Variants in RXRA observed in about 807,000 individuals in gnomAD.
The protein encoded by RXRA is retinoic acid receptor RXR-alpha.
In RXRA, 5 loss-of-function variants were observed where a neutral mutation model predicts 44.5. The ratio of observed to expected loss-of-function variants is 0.11; its 90% CI spans 0.06 to 0.24. The LOEUF (loss-of-function observed/expected upper bound fraction) is 0.24, where lower values mean the gene tolerates loss of function less well. Among genes scored for constraint, RXRA ranks in the 10% least tolerant of loss-of-function variants. RXRA has a pLI of 1.00. For missense variants in RXRA, 412 were observed against 646.5 expected (o/e 0.64, Z 3.93); for synonymous variants, 291 against 271.4 (o/e 1.07, Z -0.71).
At chr9:134,401,456 C>A (rs964724398) in intron 1 of RXRA, 176 bp from the exon 2 acceptor site, 28 of 966,644 alleles carry the variant, frequency 2.9e-5, no homozygotes, top group Non-Finnish European at 4.4e-5. Flanking sequence ...TCTGGGCACA[C>A]CTGGCCCGTA....
chr9:134,424,816 G>A, intron 6 of RXRA: 3 of 985,486 alleles, frequency 3.0e-6, no homozygotes, highest in Non-Finnish European at 3.6e-6. Flanking sequence ...CAGGATCCAT[G>A]GCTGTAGCCT....
intron 6 of RXRA, chr9:134,422,691 TC>T (rs2119190524): frequency 2.0e-6 from 2 of 985,334 alleles, no homozygotes; most frequent in South Asian, 9.4e-5. Context: ...CACTCCCCCG[TC>T]CTGGGACCTC....
rs1229787653 is a variant in RXRA at position 134,422,487 on chromosome 9, C to A, written c.910+682C>A. Reference sequence around the variant, plus strand: ...ACACACTCCCTGCTACCGGGACACTCCCCCCTCCCAGGACACTCCCCTCTC... The same window carrying A: ...ACACACTCCCTGCTACCGGGACACTACCCCCTCCCAGGACACTCCCCTCTC... On this transcript the variant is annotated intron_variant, in intron 6 of 9. Coordinates refer to ENST00000481739, the MANE Select transcript of RXRA (RefSeq NM_002957.6). The A allele has an allele frequency of 4.9e-6, 6 of 1,216,444 alleles. No individual in the cohort carries two copies. The South Asian group carries it at 8.3e-5, about 17-fold the overall frequency. 75.4% of individuals were successfully genotyped at this position (1,216,444 alleles called of 1,614,324 possible).
chr9:134,413,052 C>T (rs1256658851), intron 4 of RXRA, among the ~76,000 whole-genome samples: 1 of 151,866 alleles, frequency 6.6e-6, no homozygotes, highest in Non-Finnish European at 1.5e-5. Flanking sequence ...CAGGTCTCTG[C>T]TGTGGGAAGG....
chr9:134,354,391 C>T (rs1033216362), intron 1 of RXRA, among the ~76,000 whole-genome samples: 4 of 152,292 alleles, frequency 2.6e-5, no homozygotes, highest in Admixed American at 6.5e-5. Flanking sequence ...ACAGTGTTGG[C>T]GTGAGGAGGT....
chr9:134,432,761 C>T (rs538435416), intron 8 of RXRA, among the ~76,000 whole-genome samples: 50 of 152,184 alleles, frequency 3.3e-4, no homozygotes, highest in East Asian at 1.2e-3. Flanking sequence ...GTCGAGGGTG[C>T]GGGCCACTTC....
intron 1 of RXRA, among the ~76,000 whole-genome samples, chr9:134,393,740 T>A (rs932482863): frequency 6.6e-6 from 1 of 152,158 alleles, no homozygotes; most frequent in Non-Finnish European, 1.5e-5. Flanking sequence ...CTTGAATGCT[T>A]CCTGGGTGCA....
chr9:134,336,291 G>T (rs1200874664), intron 1 of RXRA, among the ~76,000 whole-genome samples: 1 of 152,192 alleles, frequency 6.6e-6, no homozygotes, highest in Admixed American at 6.5e-5. Context: ...CCTCTGTCCT[G>T]TGTGACCCAC....
At chr9:134,364,986 T>C (rs1284370612) in intron 1 of RXRA, among the ~76,000 whole-genome samples, 1 of 152,178 alleles carries the variant, frequency 6.6e-6, no homozygotes, top group Admixed American at 6.5e-5. Flanking sequence ...CTCTTACTTA[T>C]GAGGAGGCTG....
intron 4 of RXRA, among the ~76,000 whole-genome samples, chr9:134,412,467 C>A (rs1392661874): frequency 6.6e-6 from 1 of 152,190 alleles, no homozygotes; most frequent in African/African-American, 2.4e-5. Flanking sequence ...GTGACTCTGC[C>A]CCCGGCAAAG....
Position 134,438,910 on chromosome 9 carries a change from C to T in RXRA, c.*2296C>T, listed in dbSNP as rs35280127. The T allele has an allele frequency of 0.041, 6,189 of 152,336 alleles. 159 individuals carry two copies. Among genetic ancestry groups the T allele is most frequent in the Middle Eastern group, 0.082 (24 of 294 alleles). 9.4% of individuals were successfully genotyped at this position (152,336 alleles called of 1,614,324 possible). A position where few individuals can be genotyped will look rare whatever the true frequency, so the allele number is the denominator to read the frequency against. On this transcript the variant is annotated 3_prime_UTR_variant, in exon 10 of 10. Transcript: ENST00000481739. ...CGGCCGCCAACCCCTGAAAGCAGAA[C>T]CTGGCCTCCCTGGCCACAGCAGCCT...
intron 6 of RXRA, chr9:134,422,688 C>T (rs879682317): frequency 1.5e-4 from 148 of 985,396 alleles, no homozygotes; most frequent in Admixed American, 4.3e-4. Flanking sequence ...GGACACTCCC[C>T]CGTCCTGGGA....
At chr9:134,418,921 C>G (rs970036308) in intron 5 of RXRA, among the ~76,000 whole-genome samples, 11 of 152,242 alleles carry the variant, frequency 7.2e-5, no homozygotes, top group Non-Finnish European at 1.2e-4. Flanking sequence ...GGGGTCTGCT[C>G]TTGTCTGAGG....
chr9:134,382,025 C>T lies in RXRA; in HGVS notation c.29-19607C>T, dbSNP rs184096883. On this transcript the variant is annotated intron_variant, in intron 1 of 9. Coordinates refer to ENST00000481739, the MANE Select transcript of RXRA (RefSeq NM_002957.6). ...TCCTCCTCTCCTTCTGTCCCTGGACCCAGGAGTTTGGGAGAGGCCAGCGGG... is the reference window on the plus strand; with the variant it reads ...TCCTCCTCTCCTTCTGTCCCTGGACTCAGGAGTTTGGGAGAGGCCAGCGGG... Among the ~76,000 whole-genome samples the T allele has an allele frequency of 2.6e-3, 389 of 152,250 alleles. 2 individuals are homozygous for T. Among genetic ancestry groups the T allele is most frequent in the African/African-American group, 9.0e-3 (374 of 41,530 alleles).
intron 1 of RXRA, among the ~76,000 whole-genome samples, chr9:134,399,483 T>C (rs1019497120): frequency 6.6e-6 from 1 of 152,254 alleles, no homozygotes; most frequent in Non-Finnish European, 1.5e-5. Context: ...TGCTTTGTCT[T>C]GTCAGCTCCT....
chr9:134,382,065 T>TGGTCTC (rs1480122680), intron 1 of RXRA, among the ~76,000 whole-genome samples: 1 of 152,120 alleles, frequency 6.6e-6, no homozygotes, highest in Non-Finnish European at 1.5e-5. Flanking sequence ...CTGGGCACTT[T>TGGTCTC]GGTCTCTGTA....
intron 7 of RXRA, 82 bp downstream of exon 7, chr9:134,429,322 G>A: frequency 1.4e-6 from 2 of 1,406,712 alleles, no homozygotes; most frequent in African/African-American, 1.4e-5. Flanking sequence ...CTTGGCCCCG[G>A]TGCACATCCT....
At chr9:134,379,785 C>A in intron 1 of RXRA, 1 of 985,342 alleles carries the variant, frequency 1.0e-6, no homozygotes, top group Non-Finnish European at 1.2e-6. Flanking sequence ...GGCCCAGCTG[C>A]CCCTAAGGAT....
At chr9:134,428,130 C>T (rs1331397932) in intron 6 of RXRA, among the ~76,000 whole-genome samples, 1 of 152,156 alleles carries the variant, frequency 6.6e-6, no homozygotes, top group Non-Finnish European at 1.5e-5. Flanking sequence ...GCACTGGAAC[C>T]TCATGTTGAG....
Sources: allele counts gnomAD v4.1 joint callset (sites outside exome capture counted in the v4.1 genomes callset), GRCh38; gene constraint gnomAD v4.1.1; transcripts MANE v1.5; gene names NCBI Gene and HGNC (gene_info 2026-07-23, HGNC 2026-07-21).